SCARB1: variants seen among roughly 807,000 people sequenced by gnomAD.
SCARB1 encodes CD36 and LIMPII analogous 1.
SCARB1 carries 30 observed loss-of-function variants against 57.2 expected under a neutral mutation model. That is an observed-to-expected ratio of 0.52 (90% CI 0.39 to 0.71). SCARB1 has a LOEUF of 0.71. SCARB1 is among the 30% of genes least tolerant of loss of function. The pLI, the probability that SCARB1 is intolerant of heterozygous loss-of-function variation, is 0.00. For synonymous variants in SCARB1, 249 were observed against 268.3 expected (o/e 0.93, Z 0.70); for missense variants, 543 against 671.2 (o/e 0.81, Z 2.11).
intron 1 of SCARB1, among the ~76,000 whole-genome samples, chr12:124,857,159 T>C (rs1197496455): frequency 1.3e-5 from 2 of 151,614 alleles, no homozygotes; most frequent in South Asian, 2.1e-4. Flanking sequence ...AGCTGTGGAG[T>C]CGGCCCCCAG....
Position 124,814,475 on chromosome 12 carries a change from G to C in SCARB1, c.427-70C>G. 6.6e-7 allele frequency: 1 copy of C among 1,515,256 alleles called. No individual in the cohort carries two copies. The highest frequency in any genetic ancestry group is 9.1e-7 in the Non-Finnish European group (1 of 1,093,788). The allele number at this position is 1,515,256 out of a possible 1,614,324, so 93.9% of individuals were successfully genotyped here. The stretch of plus-strand genomic sequence containing the variant: ...GCCCATCCTCCCTTGGCCCCAGCTG[G>C]GCCTCACAGCAAAGAGCCCATGAAG... On this transcript the variant is annotated intron_variant, in intron 3 of 12. Transcript: ENST00000261693. This position sits in a 1 kb window ranked among gnomAD's most constrained non-coding sequence, Gnocchi z 4.7.
intron 1 of SCARB1, among the ~76,000 whole-genome samples, chr12:124,831,740 A>G (rs1023701624): frequency 1.3e-5 from 2 of 152,228 alleles, no homozygotes; most frequent in Non-Finnish European, 2.9e-5. Context: ...TACCTGTAAC[A>G]AGGAATAAAG....
chr12:124,778,922 CT>C (rs1872828590), intron 12 of SCARB1, among the ~76,000 whole-genome samples: 1 of 152,194 alleles, frequency 6.6e-6, no homozygotes, highest in Non-Finnish European at 1.5e-5. Context: ...AGCTCTGTCC[CT>C]CAGGAGGAGA....
intron 1 of SCARB1, among the ~76,000 whole-genome samples, chr12:124,848,238 C>T (rs772529838): frequency 6.6e-6 from 1 of 152,194 alleles, no homozygotes; most frequent in Non-Finnish European, 1.5e-5. Context: ...TGTGCGCCAC[C>T]ATGCCTGGCT....
At chr12:124,848,063 G>C (rs1191724844) in intron 1 of SCARB1, among the ~76,000 whole-genome samples, 1 of 152,168 alleles carries the variant, frequency 6.6e-6, no homozygotes, top group Non-Finnish European at 1.5e-5. Flanking sequence ...ACCAGACACA[G>C]CATGCAACCT....
intron 1 of SCARB1, among the ~76,000 whole-genome samples, chr12:124,832,515 G>T (rs1951444183): frequency 9.8e-6 from 1 of 101,666 alleles, no homozygotes; most frequent in African/African-American, 6.3e-5. Flanking sequence ...GTGAGACTTG[G>T]TCTCAAAAAA....
chr12:124,820,696 C>A (rs966132712), intron 1 of SCARB1, among the ~76,000 whole-genome samples: 1 of 152,126 alleles, frequency 6.6e-6, no homozygotes, highest in Non-Finnish European at 1.5e-5. Flanking sequence ...GCTGGTGCTC[C>A]CCCCATAGAA....
intron 7 of SCARB1, among the ~76,000 whole-genome samples, chr12:124,803,246 G>A (rs996687395): frequency 2.0e-5 from 3 of 152,198 alleles, no homozygotes; most frequent in African/African-American, 7.2e-5. Context: ...CTCAGTCAGG[G>A]TGCTGGCCAC....
At chr12:124,829,036 G>T (rs181201928) in intron 1 of SCARB1, among the ~76,000 whole-genome samples, 44 of 152,260 alleles carry the variant, frequency 2.9e-4, no homozygotes, top group African/African-American at 1.0e-3. Context: ...AATCCAATCT[G>T]GGACTTGGGA....
In SCARB1 at chr12:124,800,418, G is replaced by C. The variant is rs944189510; in HGVS notation, c.1010-176C>G. On this transcript the variant is annotated intron_variant, in intron 7 of 12. Transcript: ENST00000261693. This position sits in a 1 kb window ranked among gnomAD's most constrained non-coding sequence, Gnocchi z 4.8. ...TAAAAAGCCCCAGGCCCTGTGATGA[G>C]GGACAAGCTCTGCGCCAGAGAAGGG... 3.9e-5 allele frequency among the ~76,000 whole-genome samples: 6 copies of C among 152,212 alleles called. No homozygotes were observed. Among genetic ancestry groups the C allele is most frequent in the Admixed American group, 3.3e-4 (5 of 15,288 alleles).
chr12:124,831,478 T>G (rs1951388137), intron 1 of SCARB1, among the ~76,000 whole-genome samples: 1 of 152,142 alleles, frequency 6.6e-6, no homozygotes, highest in Non-Finnish European at 1.5e-5. Context: ...CACCCTCAAG[T>G]GGTGTCGCTA....
At chr12:124,787,005 AAAAT>A (rs1156268842) in intron 10 of SCARB1, among the ~76,000 whole-genome samples, 1 of 152,226 alleles carries the variant, frequency 6.6e-6, no homozygotes, top group African/African-American at 2.4e-5. Flanking sequence ...AAAATAAAAT[AAAAT>A]AATAAAATAA....
Position 124,800,688 on chromosome 12 carries a change from T to C in SCARB1, c.1010-446A>G, listed in dbSNP as rs548572454. The stretch of plus-strand genomic sequence containing the variant: ...CAAGCGCAAGCCAAGCAGCCCACAC[T>C]GTCCCCTGCAGGACACGCAGCAATG... On this transcript the variant is annotated intron_variant, in intron 7 of 12. Transcript: ENST00000261693. The surrounding 1 kb of genome is among the most constrained non-coding windows in gnomAD (Gnocchi z 4.8). Among the ~76,000 whole-genome samples, 66 of 152,318 alleles carry C rather than the reference T, an allele frequency of 4.3e-4. No individual in the cohort carries two copies. The highest frequency in any genetic ancestry group is 3.7e-3 in the Admixed American group (57 of 15,304).
intron 1 of SCARB1, among the ~76,000 whole-genome samples, chr12:124,838,534 T>A (rs1321565141): frequency 6.6e-6 from 1 of 151,982 alleles, no homozygotes; most frequent in Non-Finnish European, 1.5e-5. Context: ...GCAACGGTGG[T>A]TTGGGCCTGG....
Position 124,817,777 on chromosome 12 carries a change from G to A in SCARB1, c.127-70C>T, listed in dbSNP as rs1006055175. 26 of 1,564,992 alleles carry A rather than the reference G, an allele frequency of 1.7e-5. No homozygotes were observed. The highest frequency in any genetic ancestry group is 1.7e-4 in the Middle Eastern group (1 of 5,944). On this transcript the variant is annotated intron_variant, in intron 1 of 12. Coordinates refer to ENST00000261693, the MANE Select transcript of SCARB1 (RefSeq NM_005505.5). This position sits in a 1 kb window ranked among gnomAD's most constrained non-coding sequence, Gnocchi z 4.8. ...GCCCCACGCCCCACCACAAGGCTCC[G>A]GAACAGCTGCCCGAGCCCGGCCAGG...
intron 1 of SCARB1, among the ~76,000 whole-genome samples, chr12:124,847,814 C>T (rs1391779411): frequency 6.6e-6 from 1 of 152,190 alleles, no homozygotes; most frequent in Non-Finnish European, 1.5e-5. Context: ...AGGCACCCAA[C>T]CCCGGCTCAT....
intron 11 of SCARB1, chr12:124,785,833 T>G (rs1949491377): frequency 2.0e-6 from 1 of 503,358 alleles, no homozygotes; most frequent in South Asian, 3.6e-5. Flanking sequence ...AAATTTAAAC[T>G]GAAAACCTCA....
chr12:124,778,227 C>T lies in SCARB1; in HGVS notation c.*360G>A. The T allele has an allele frequency of 5.2e-6, 2 of 387,034 alleles. No homozygotes were observed. The highest frequency in any genetic ancestry group is 9.1e-6 in the Non-Finnish European group (2 of 220,588). 24.0% of individuals were successfully genotyped at this position (387,034 alleles called of 1,614,324 possible). ...AGGGGAGGAAGCCTGGGCCCAACGGCTGAACGGGACAGGCCAGGCTCACCC... is the reference window on the plus strand; with the variant it reads ...AGGGGAGGAAGCCTGGGCCCAACGGTTGAACGGGACAGGCCAGGCTCACCC... On this transcript the variant is annotated 3_prime_UTR_variant, in exon 13 of 13. Coordinates refer to ENST00000261693, the MANE Select transcript of SCARB1 (RefSeq NM_005505.5).
At chr12:124,829,249 C>A (rs1271878534) in intron 1 of SCARB1, among the ~76,000 whole-genome samples, 1 of 152,108 alleles carries the variant, frequency 6.6e-6, no homozygotes, top group East Asian at 1.9e-4. Context: ...TTAAAGCATG[C>A]CTCAAATCCA....
Sources: allele counts gnomAD v4.1 joint callset (sites outside exome capture counted in the v4.1 genomes callset), GRCh38; gene constraint gnomAD v4.1.1; non-coding constraint Gnocchi (gnomAD v3.1); transcripts MANE v1.5; gene names NCBI Gene and HGNC (gene_info 2026-07-23, HGNC 2026-07-21).